Variants in CFAP70 observed in about 807,000 individuals in gnomAD.
The protein encoded by CFAP70 is cilia- and flagella-associated protein 70.
A neutral mutation model predicts 137.6 loss-of-function variants in CFAP70; 81 were observed. The observed-to-expected ratio is 0.59, with a 90% CI of 0.49 to 0.71. CFAP70 has a LOEUF of 0.71. CFAP70 is among the 30% of genes least tolerant of loss of function. The pLI, the probability that CFAP70 is intolerant of heterozygous loss-of-function variation, is 0.00. For synonymous variants in CFAP70, 382 were observed against 423.6 expected (o/e 0.90, Z 1.20); for missense variants, 976 against 1,226.7 (o/e 0.80, Z 3.05).
exon 14 of CFAP70, chr10:73,298,957 A>T (rs372116192): frequency 1.2e-6 from 2 of 1,614,098 alleles, no homozygotes; most frequent in African/African-American, 2.7e-5. Flanking sequence ...TTAAGTTCAT[A>T]GCTGAGCTGG....
chr10:73,275,829 A>G lies in CFAP70; in HGVS notation c.2521-231T>C. 5.3e-6 allele frequency: 2 copies of G among 376,130 alleles called. No individual in the cohort carries two copies. Among genetic ancestry groups the G allele is most frequent in the South Asian group, 1.1e-4 (2 of 18,614 alleles). 23.3% of individuals were successfully genotyped at this position (376,130 alleles called of 1,614,324 possible). A position where few individuals can be genotyped will look rare whatever the true frequency, so the allele number is the denominator to read the frequency against. On this transcript the variant is annotated intron_variant, in intron 21 of 26. Transcript: ENST00000310715. This position sits in a 1 kb window ranked among gnomAD's most constrained non-coding sequence, Gnocchi z 4.0. Reference sequence around the variant, plus strand: ...AGACATTACCAAGTGAATAACTTGCAATATTGTACAATTCTGGTCTTGCTG... The same window carrying G: ...AGACATTACCAAGTGAATAACTTGCGATATTGTACAATTCTGGTCTTGCTG...
chr10:73,309,467 G>GT (rs1163077569), intron 12 of CFAP70, among the ~76,000 whole-genome samples: 1 of 151,972 alleles, frequency 6.6e-6, no homozygotes, highest in African/African-American at 2.4e-5. Context: ...AGATCTGGAT[G>GT]TTTTTATTTT....
chr10:73,322,296 C>A (rs1293974552), intron 9 of CFAP70, among the ~76,000 whole-genome samples: 1 of 152,162 alleles, frequency 6.6e-6, no homozygotes, highest in East Asian at 1.9e-4. Flanking sequence ...CTCCTTCTAT[C>A]CCTGTTCCCA....
chr10:73,295,619 T>G (rs149263642), intron 15 of CFAP70: 58 of 152,346 alleles, frequency 3.8e-4, no homozygotes, highest in African/African-American at 1.3e-3. Context: ...TTGTTTTTCT[T>G]GAATTCCTAG....
At chr10:73,269,346 G>A (rs578091128) in intron 25 of CFAP70, among the ~76,000 whole-genome samples, 18 of 152,286 alleles carry the variant, frequency 1.2e-4, no homozygotes, top group African/African-American at 4.1e-4. Flanking sequence ...TCATCAATCT[G>A]TGACCTAGTT....
chr10:73,267,890 C>T (rs2045918632), intron 25 of CFAP70, among the ~76,000 whole-genome samples: 1 of 152,188 alleles, frequency 6.6e-6, no homozygotes, highest in Non-Finnish European at 1.5e-5. Context: ...GCAGGGGCTG[C>T]TGTTAGCTTC....
chr10:73,280,060 A>T (rs1267371035), intron 19 of CFAP70, among the ~76,000 whole-genome samples: 1 of 152,166 alleles, frequency 6.6e-6, no homozygotes, highest in African/African-American at 2.4e-5. Context: ...TTTTAATTTT[A>T]GCTATCCCGG....
chr10:73,334,584 C>T (rs1589528830), intron 7 of CFAP70, among the ~76,000 whole-genome samples: 1 of 142,316 alleles, frequency 7.0e-6, no homozygotes, highest in South Asian at 2.2e-4. Flanking sequence ...ATTCTGGACT[C>T]TTTTTTTTTT....
chr10:73,312,195 C>A (rs953954669), intron 10 of CFAP70, among the ~76,000 whole-genome samples: 1 of 151,938 alleles, frequency 6.6e-6, no homozygotes, highest in African/African-American at 2.4e-5. Flanking sequence ...TGGGGCCTGT[C>A]GGGGGTAAGG....
intron 19 of CFAP70, among the ~76,000 whole-genome samples, chr10:73,280,417 T>A (rs1051918723): frequency 1.3e-5 from 2 of 152,232 alleles, no homozygotes; most frequent in African/African-American, 2.4e-5. Flanking sequence ...CTGGTTTTGA[T>A]ACCAGGGTGA....
intron 8 of CFAP70, among the ~76,000 whole-genome samples, chr10:73,327,592 T>A (rs1374788786): frequency 1.3e-5 from 2 of 151,866 alleles, no homozygotes; most frequent in African/African-American, 4.8e-5. Context: ...GAAAACCCCA[T>A]TGTCTCAGCC....
At chr10:73,290,863 C>A (rs188109861) in intron 19 of CFAP70, among the ~76,000 whole-genome samples, 21 of 152,264 alleles carry the variant, frequency 1.4e-4, no homozygotes, top group African/African-American at 5.1e-4. Flanking sequence ...TTTCAGACCA[C>A]TAATCATATG....
At chr10:73,291,403 T>C in exon 19 of CFAP70, 1 of 1,614,224 alleles carries the variant, frequency 6.2e-7, no homozygotes, top group Non-Finnish European at 8.5e-7. Flanking sequence ...TGAAATGCCA[T>C]TTCCATTCGA....
At position 73,310,292 on chromosome 10, in the gene CFAP70, A is replaced by T. The variant is rs779451883; in HGVS notation, c.1165-43T>A. On this transcript the variant is annotated intron_variant, in intron 11 of 26. Transcript: ENST00000310715. ...TCTTATTATTTCCAGAAAAAAATAT[A>T]TTTATGAAAAATTTAGTAACATAAG... is the stretch of plus-strand genomic sequence containing the variant. The T allele has an allele frequency of 2.8e-6, 4 of 1,417,708 alleles. No homozygotes were observed. The South Asian group carries it at 5.0e-5, about 18-fold the overall frequency. 87.8% of individuals were successfully genotyped at this position (1,417,708 alleles called of 1,614,324 possible).
intron 9 of CFAP70, among the ~76,000 whole-genome samples, chr10:73,316,487 G>GATATATATATATAT (rs551707557): frequency 2.0e-5 from 2 of 100,940 alleles, no homozygotes; most frequent in African/African-American, 4.5e-5. Flanking sequence ...TATAGATATA[G>GATATATATATATAT]ATATATATAT....
intron 7 of CFAP70, among the ~76,000 whole-genome samples, chr10:73,333,989 G>T (rs909791679): frequency 6.6e-6 from 1 of 152,152 alleles, no homozygotes; most frequent in Non-Finnish European, 1.5e-5. Flanking sequence ...GACCAAGTGG[G>T]TGACCAGGGG....
At chr10:73,261,125 C>CTT (rs200438757) in intron 25 of CFAP70, among the ~76,000 whole-genome samples, 7 of 141,700 alleles carry the variant, frequency 4.9e-5, no homozygotes, top group East Asian at 2.1e-4. Context: ...CATTGTCTAT[C>CTT]TTTTTTTTTT....
intron 9 of CFAP70, among the ~76,000 whole-genome samples, chr10:73,317,265 A>G (rs1268048984): frequency 6.6e-6 from 1 of 151,928 alleles, no homozygotes; most frequent in Non-Finnish European, 1.5e-5. Flanking sequence ...TGATCCACCC[A>G]CCTCTACCTC....
At chr10:73,361,417 CGT>C (rs543704002), upstream of CFAP70, among the ~76,000 whole-genome samples, 5 of 150,982 alleles carry the variant, frequency 3.3e-5, no homozygotes, top group East Asian at 7.8e-4. Flanking sequence ...CTCAGCCTCC[CGT>C]GTGTGTGTGT....
Sources: gnomAD v4.1 joint callset for allele counts (sites outside exome capture counted in the v4.1 genomes callset) on GRCh38, gnomAD v4.1.1 for gene constraint, Gnocchi (gnomAD v3.1) non-coding constraint, MANE v1.5 for transcripts, NCBI Gene and HGNC (gene_info 2026-07-23, HGNC 2026-07-21) for gene names.